USP34: variants seen among roughly 807,000 people sequenced by gnomAD.
USP34 encodes ubiquitin specific peptidase 34.
USP34 carries 70 observed loss-of-function variants against 460.3 expected under a neutral mutation model. The observed-to-expected ratio is 0.15, with a 90% CI of 0.13 to 0.19. The LOEUF (loss-of-function observed/expected upper bound fraction) is 0.19. Ranked by LOEUF, USP34 falls within the 10% of genes least tolerant of loss-of-function variation. The pLI, the probability that USP34 is intolerant of heterozygous loss-of-function variation, is 1.00. For synonymous variants in USP34, 1,647 were observed against 1,405.3 expected (o/e 1.17, Z -3.85); for missense variants, 3,985 against 4,236.2 (o/e 0.94, Z 1.65).
intron 72 of USP34, among the ~76,000 whole-genome samples, chr2:61,205,690 T>C (rs1687099485): frequency 6.6e-6 from 1 of 152,228 alleles, no homozygotes; most frequent in African/African-American, 2.4e-5. Context: ...TCTTATCCTT[T>C]AGAATGTCAG....
chr2:61,427,323 C>T (rs560547198), intron 1 of USP34, among the ~76,000 whole-genome samples: 2 of 152,172 alleles, frequency 1.3e-5, no homozygotes, highest in Non-Finnish European at 2.9e-5. Context: ...CCACCGTGCC[C>T]GGCCCCAAGT....
At chr2:61,231,573 G>T (rs927344215) in intron 58 of USP34, among the ~76,000 whole-genome samples, 1 of 152,074 alleles carries the variant, frequency 6.6e-6, no homozygotes, top group Non-Finnish European at 1.5e-5. Context: ...AAATTAGCCA[G>T]GTGTGGTGGT....
At chr2:61,425,103 C>T (rs1694473213) in intron 1 of USP34, among the ~76,000 whole-genome samples, 1 of 152,148 alleles carries the variant, frequency 6.6e-6, no homozygotes, top group South Asian at 2.1e-4. Context: ...GCCCACTGCG[C>T]CCAGCTGCCA....
intron 53 of USP34, among the ~76,000 whole-genome samples, chr2:61,238,862 G>A (rs941876070): frequency 1.3e-5 from 2 of 152,038 alleles, no homozygotes; most frequent in Non-Finnish European, 2.9e-5. Flanking sequence ...TGGCAGCCCT[G>A]CAATCAAGCA....
At chr2:61,304,495 G>C (rs1366888435) in intron 27 of USP34, among the ~76,000 whole-genome samples, 1 of 152,182 alleles carries the variant, frequency 6.6e-6, no homozygotes, top group Non-Finnish European at 1.5e-5. Flanking sequence ...TTTGGAGGTG[G>C]GACCTTTTGG....
chr2:61,206,195 A>G (rs933667678), intron 71 of USP34, 71 bp from the exon 72 acceptor site: 2 of 1,278,892 alleles, frequency 1.6e-6, no homozygotes, highest in Admixed American at 3.5e-5. Context: ...TTCTACTGTA[A>G]ACTACAGAAT....
At chr2:61,461,341 C>T (rs975614793) in intron 1 of USP34, among the ~76,000 whole-genome samples, 11 of 150,972 alleles carry the variant, frequency 7.3e-5, no homozygotes, top group African/African-American at 2.2e-4. Flanking sequence ...TGCAGTGAGC[C>T]GAGATGGCAC....
intron 41 of USP34, among the ~76,000 whole-genome samples, chr2:61,272,995 G>A (rs1372160068): frequency 6.6e-6 from 1 of 152,062 alleles, no homozygotes; most frequent in Non-Finnish European, 1.5e-5. Flanking sequence ...AAAGATAACT[G>A]AAAACAGTCT....
chr2:61,288,706 T>C lies in USP34; in HGVS notation c.4720A>G (p.Lys1574Glu), dbSNP rs1689763214. 1 of 1,613,898 alleles carries C rather than the reference T, an allele frequency of 6.2e-7. No individual in the cohort carries two copies. Among genetic ancestry groups the C allele is most frequent in the Admixed American group, 1.7e-5 (1 of 60,000 alleles). ...GTTAATCGTGGTATATGAAGACCCT[T>C]AGCATGATCACCAGCAGCCTTCCTT... ...KSRKAAGDHA[K>E]GLHIPRLTEV... Residue 1574 changes from lysine (K) to glutamate (E), a missense_variant, in exon 34 of 80, where the codon AAG becomes GAG. By Grantham distance (56) the Lys-to-Glu change is moderately conservative. Around this residue, in one of 14 missense-constraint regions of USP34, gnomAD observed 1,114 missense variants for 1,122.5 expected, o/e 0.99. Transcript: ENST00000398571.
At chr2:61,440,543 G>GTT (rs1694934340) in intron 1 of USP34, among the ~76,000 whole-genome samples, 1 of 148,368 alleles carries the variant, frequency 6.7e-6, no homozygotes, top group African/African-American at 2.5e-5. Context: ...TTGAGATGGA[G>GTT]TTTTGCTCTT....
chr2:61,429,891 G>GT (rs1394999297), intron 1 of USP34, among the ~76,000 whole-genome samples: 3 of 151,824 alleles, frequency 2.0e-5, no homozygotes, highest in African/African-American at 7.3e-5. Context: ...GTGACACCCT[G>GT]TCTCCACTAA....
At chr2:61,223,638 C>G (rs1440032321) in intron 62 of USP34, 1 of 208,026 alleles carries the variant, frequency 4.8e-6, no homozygotes, top group African/African-American at 2.4e-5. Flanking sequence ...AGCATTTCAT[C>G]TCCCAGTTTA....
intron 3 of USP34, among the ~76,000 whole-genome samples, chr2:61,398,108 T>A (rs1416312654): frequency 6.6e-6 from 1 of 151,922 alleles, no homozygotes; most frequent in Non-Finnish European, 1.5e-5. Context: ...GTGCAGTGGC[T>A]CACACCTATA....
intron 30 of USP34, among the ~76,000 whole-genome samples, chr2:61,296,269 T>A (rs1431159820): frequency 1.3e-5 from 2 of 151,854 alleles, no homozygotes; most frequent in East Asian, 1.9e-4. Context: ...CAAAAATAAA[T>A]AAATAAATAA....
In USP34 at chr2:61,350,674, T is replaced by C. The variant is rs979063626; in HGVS notation, c.1271A>G (p.Tyr424Cys). The change falls in exon 11 of 80, where the codon TAT (tyrosine) becomes TGT (cysteine). Residue 424 changes from tyrosine to cysteine, a missense_variant. Around this residue, in one of 14 missense-constraint regions of USP34, gnomAD observed 716 missense variants for 626.2 expected, o/e 1.14. Coordinates refer to ENST00000398571, the MANE Select transcript of USP34 (RefSeq NM_014709.4). ...AAAQLKHCSR[Y>C]IHDLFPSLIK... ...GAGTGAAGGAAATAAGTCATGTATA[T>C]ACCGACTACAATGTTTCAACTAGAA... The C allele has an allele frequency of 1.3e-5, 21 of 1,610,990 alleles. No homozygotes were observed. The highest frequency in any genetic ancestry group is 1.7e-5 in the Non-Finnish European group (20 of 1,179,240).
intron 43 of USP34, among the ~76,000 whole-genome samples, chr2:61,262,492 ATGTTTT>A (rs1688920913): frequency 6.6e-6 from 1 of 152,112 alleles, no homozygotes; most frequent in African/African-American, 2.4e-5. Flanking sequence ...AGTTCCATAC[ATGTTTT>A]TGCAAAAGAC....
rs754167793 is a variant in USP34, at chr2:61,288,768, G to A, written c.4658C>T (p.Ala1553Val). The A allele has an allele frequency of 2.5e-5, 41 of 1,613,792 alleles. No homozygotes were observed. The highest frequency in any genetic ancestry group is 6.7e-5 in the East Asian group (3 of 44,888). The part of the protein sequence containing the change: ...YHDVFAWSGI[A>V]ESHRKRTWPG... The stretch of plus-strand genomic sequence containing the variant: ...CCAGGTTCTTTTCCTATGGCTTTCC[G>A]CTATACCAGACCAGGCAAAGACATC... The change falls in exon 34 of 80, where the codon GCG becomes GTG. Residue 1553 changes from alanine (A) to valine (V), a missense_variant. Ala to Val is a moderately conservative substitution (Grantham distance 64). Coordinates refer to ENST00000398571, the MANE Select transcript of USP34 (RefSeq NM_014709.4).
At position 61,256,476 on chromosome 2, in the gene USP34, T is replaced by C; in HGVS notation, c.6129A>G (p.Glu2043=). ...CQVADMKNIY[E]SLDEVTIKDT... is the part of the protein sequence containing the mutation. Reference sequence around the variant, plus strand: ...CTTTTATAGTAACTTCATCAAGAGATTCCTGTGTATAAAACCACATTTAAA... The same window carrying C: ...CTTTTATAGTAACTTCATCAAGAGACTCCTGTGTATAAAACCACATTTAAA... Residue 2043 remains glutamate, a splice_region_variant and synonymous_variant, in exon 48 of 80, where the codon GAA becomes GAG. Coordinates refer to ENST00000398571, the MANE Select transcript of USP34 (RefSeq NM_014709.4). 6.3e-7 allele frequency: 1 copy of C among 1,593,712 alleles called. No homozygotes were observed. The highest frequency in any genetic ancestry group is 1.7e-5 in the Admixed American group (1 of 57,318).
chr2:61,228,524 A>G (rs1687795535), intron 61 of USP34, 121 bp downstream of exon 61: 1 of 761,868 alleles, frequency 1.3e-6, no homozygotes, highest in South Asian at 2.3e-5. Context: ...GACCCTTCAT[A>G]TTATCTAACA....
Sources: gnomAD v4.1 joint callset for allele counts (sites outside exome capture counted in the v4.1 genomes callset) on GRCh38, gnomAD v4.1.1 for gene constraint, gnomAD v4.1.1 regional missense constraint, MANE v1.5 for transcripts, NCBI Gene and HGNC (gene_info 2026-07-23, HGNC 2026-07-21) for gene names.